Variants in GABRB1 observed in about 807,000 individuals in gnomAD.
The protein encoded by GABRB1 is gamma-aminobutyric acid receptor subunit beta-1.
Under a neutral mutation model 51.6 loss-of-function variants are expected in GABRB1, and 17 were observed. The observed-to-expected ratio is 0.33, with a 90% confidence interval of 0.23 to 0.49. The LOEUF is 0.49. GABRB1 is among the 20% of genes least tolerant of loss of function. The pLI is 0.99. For missense variants in GABRB1, 410 were observed against 600.6 expected, an observed-to-expected ratio of 0.68 and a Z score of 3.32; for synonymous variants, 247 against 218.9, an observed-to-expected ratio of 1.13 and a Z score of -1.14.
At chr4:47,241,213 T>C (rs763921754) in intron 4 of GABRB1, among the ~76,000 whole-genome samples, 32 of 152,174 alleles carry the variant, frequency 2.1e-4, no homozygotes, top group Non-Finnish European at 4.4e-4. Context: ...GTGGCAACAA[T>C]AGAGCTTTCA....
intron 3 of GABRB1, among the ~76,000 whole-genome samples, chr4:47,094,225 T>C (rs563478761): frequency 5.2e-4 from 64 of 122,380 alleles, no homozygotes; most frequent in African/African-American, 1.8e-3. Context: ...TTTTTCTTTT[T>C]TCTCTTTTTT....
chr4:47,215,129 G>C (rs547160621), intron 4 of GABRB1, among the ~76,000 whole-genome samples: 4 of 152,154 alleles, frequency 2.6e-5, no homozygotes, highest in African/African-American at 9.6e-5. Flanking sequence ...AAAAGGAAGG[G>C]GGACACTGTT....
chr4:47,170,484 A>T (rs1481027322), intron 4 of GABRB1, among the ~76,000 whole-genome samples: 1 of 152,078 alleles, frequency 6.6e-6, no homozygotes, highest in Non-Finnish European at 1.5e-5. Context: ...GTCTAACATT[A>T]GCTCTCTGTA....
chr4:47,000,670 A>G (rs1724151175), intron 1 of GABRB1, among the ~76,000 whole-genome samples: 1 of 152,208 alleles, frequency 6.6e-6, no homozygotes, highest in African/African-American at 2.4e-5. Context: ...TGCTTCAGAT[A>G]GACAGGGGGA....
chr4:47,357,200 G>A (rs1726616293), intron 5 of GABRB1, among the ~76,000 whole-genome samples: 2 of 152,148 alleles, frequency 1.3e-5, no homozygotes, highest in African/African-American at 4.8e-5. Flanking sequence ...TCACACCAAA[G>A]CACTTAAACC....
chr4:47,385,652 A>C (rs1727767373), intron 5 of GABRB1, among the ~76,000 whole-genome samples: 1 of 152,192 alleles, frequency 6.6e-6, no homozygotes, highest in African/African-American at 2.4e-5. Flanking sequence ...CTTACAATTC[A>C]ATTCTGATTC....
In GABRB1 at chr4:47,421,462, T is replaced by C. The variant is rs1029251927; in HGVS notation, c.1081-4212T>C. On this transcript the variant is annotated intron_variant, in intron 8 of 8. Transcript: ENST00000295454. ...TCAGGTGATTCCATTTTACAAGCAT[T>C]TTTTCAGAATGCTATGTCCTCCACC... is the stretch of plus-strand genomic sequence containing the variant. Among the ~76,000 whole-genome samples the C allele has an allele frequency of 3.3e-5, 5 of 152,008 alleles. 1 individual carries two copies. Among genetic ancestry groups the C allele is most frequent in the Non-Finnish European group, 7.4e-5 (5 of 67,970 alleles).
chr4:47,025,800 C>T (rs747670949), intron 1 of GABRB1, among the ~76,000 whole-genome samples: 25 of 151,952 alleles, frequency 1.6e-4, no homozygotes, highest in Non-Finnish European at 3.7e-4. Flanking sequence ...CATCTTACTC[C>T]ATTCCTATCC....
intron 3 of GABRB1, among the ~76,000 whole-genome samples, chr4:47,155,946 T>TATATATATATATATA (rs1577958581): frequency 2.5e-4 from 35 of 142,478 alleles, no homozygotes; most frequent in East Asian, 4.1e-4. Context: ...TATATATATA[T>TATATATATATATATA]GAAACCACTT....
chr4:47,287,494 T>G (rs1236500264), intron 4 of GABRB1, among the ~76,000 whole-genome samples: 1 of 152,200 alleles, frequency 6.6e-6, no homozygotes, highest in Non-Finnish European at 1.5e-5. Flanking sequence ...GAATAATTAT[T>G]TATCCTTTAA....
intron 8 of GABRB1, among the ~76,000 whole-genome samples, chr4:47,419,363 C>G (rs1472087955): frequency 6.6e-6 from 1 of 152,148 alleles, no homozygotes; most frequent in Non-Finnish European, 1.5e-5. Context: ...CTGTGATCAG[C>G]AGGCCTTAAG....
At chr4:47,320,353 A>C (rs1408212806) in intron 5 of GABRB1, 144 bp downstream of exon 5, 1 of 663,654 alleles carries the variant, frequency 1.5e-6, no homozygotes, top group Non-Finnish European at 2.7e-6. Context: ...TGGTAGCTCA[A>C]GGGTCATTTC....
At chr4:47,004,480 G>T (rs1724327361) in intron 1 of GABRB1, among the ~76,000 whole-genome samples, 1 of 152,000 alleles carries the variant, frequency 6.6e-6, no homozygotes. Flanking sequence ...GTTTATGGGA[G>T]ACATGAGATA....
Position 47,326,873 on chromosome 4 carries a change from G to A in GABRB1, c.544+6664G>A, listed in dbSNP as rs574654028. Among the ~76,000 whole-genome samples the A allele has an allele frequency of 3.9e-5, 6 of 152,266 alleles. No individual in the cohort carries two copies. The East Asian group carries it at 9.6e-4, about 24-fold the overall frequency. On this transcript the variant is annotated intron_variant, in intron 5 of 8. Transcript: ENST00000295454. The stretch of plus-strand genomic sequence containing the variant: ...AATGAACTGAGACATCTATATCATA[G>A]TAGTATTTGTTTCCATGCTTGTTGT...
At position 47,048,367 on chromosome 4, in the gene GABRB1, A is replaced by G. The variant is rs538297165; in HGVS notation, c.240+15883A>G. 1.6e-4 allele frequency among the ~76,000 whole-genome samples: 25 copies of G among 152,262 alleles called. No individual in the cohort carries two copies. The East Asian group carries it at 4.6e-3, about 28-fold the overall frequency. ...CATGTCACTGAGCTTCAGAGTAATT[A>G]ATGAAGAGGAGACACAGCAGATGTT... On this transcript the variant is annotated intron_variant, in intron 3 of 8. Coordinates refer to ENST00000295454, the MANE Select transcript of GABRB1 (RefSeq NM_000812.4).
At chr4:47,067,126 G>T (rs571764016) in intron 3 of GABRB1, among the ~76,000 whole-genome samples, 1 of 152,152 alleles carries the variant, frequency 6.6e-6, no homozygotes, top group Admixed American at 6.5e-5. Flanking sequence ...ATCTTGAAAG[G>T]ATTCTTTTTT....
intron 1 of GABRB1, among the ~76,000 whole-genome samples, chr4:47,005,157 G>C (rs547269706): frequency 6.6e-6 from 1 of 152,196 alleles, no homozygotes; most frequent in African/African-American, 2.4e-5. Flanking sequence ...AGTGGCTCAC[G>C]CCTATAATCC....
chr4:47,035,172 T>C (rs1407856788), intron 3 of GABRB1, among the ~76,000 whole-genome samples: 1 of 152,188 alleles, frequency 6.6e-6, no homozygotes, highest in Non-Finnish European at 1.5e-5. Flanking sequence ...TCCATTCATT[T>C]TTGTTCTTTA....
At chr4:47,204,520 C>T (rs201503716) in intron 4 of GABRB1, among the ~76,000 whole-genome samples, 1 of 152,086 alleles carries the variant, frequency 6.6e-6, no homozygotes, top group Non-Finnish European at 1.5e-5. Context: ...CCCAAACATA[C>T]TTGATATGAT....
Sources: gnomAD v4.1 joint callset for allele counts (sites outside exome capture counted in the v4.1 genomes callset) on GRCh38, gnomAD v4.1.1 for gene constraint, MANE v1.5 for transcripts, NCBI Gene and HGNC (gene_info 2026-07-23, HGNC 2026-07-21) for gene names.